The following NIPBL variants were observed in gnomAD, a reference collection of about 807,000 sequenced individuals.
NIPBL encodes NIPBL cohesin loading factor, also known as nipped-B-like protein.
NIPBL carries 19 observed loss-of-function variants against 321.8 expected under a neutral mutation model. That is an observed-to-expected ratio of 0.06 (90% CI 0.04 to 0.09). The LOEUF is 0.09. NIPBL is among the 10% of genes least tolerant of loss of function. The probability of loss-of-function intolerance (pLI) is 1.00; values close to 1 mark genes in which losing one functional copy is unlikely to be tolerated. For missense variants in NIPBL, 2,210 were observed against 3,327.0 expected (o/e 0.66, Z 8.26); for synonymous variants, 1,106 against 1,114.1 (o/e 0.99, Z 0.14).
At chr5:36,969,076 A>C (rs988618581) in intron 6 of NIPBL, among the ~76,000 whole-genome samples, 1 of 152,244 alleles carries the variant, frequency 6.6e-6, no homozygotes, top group African/African-American at 2.4e-5. Flanking sequence ...AAAGAGCACC[A>C]CAAGATACCT....
At chr5:37,033,867 C>T (rs988807139) in intron 32 of NIPBL, among the ~76,000 whole-genome samples, 2 of 150,110 alleles carry the variant, frequency 1.3e-5, no homozygotes, top group Non-Finnish European at 3.0e-5. Context: ...CATGCCCAGC[C>T]TGAATATATT....
intron 1 of NIPBL, among the ~76,000 whole-genome samples, chr5:36,900,163 G>A (rs1411024045): frequency 6.6e-6 from 1 of 151,986 alleles, no homozygotes; most frequent in African/African-American, 2.4e-5. Flanking sequence ...TCACACATTT[G>A]CAGATTCAGC....
chr5:36,934,580 G>T (rs1032540809), intron 1 of NIPBL, among the ~76,000 whole-genome samples: 2 of 152,082 alleles, frequency 1.3e-5, no homozygotes, highest in Admixed American at 1.3e-4. Context: ...ATGAATGGGA[G>T]CAATGGTAGA....
chr5:37,047,863 T>G (rs1018074352), intron 38 of NIPBL, among the ~76,000 whole-genome samples: 1 of 152,240 alleles, frequency 6.6e-6, no homozygotes, highest in African/African-American at 2.4e-5. Flanking sequence ...GATGATATAT[T>G]GCTACTTATT....
chr5:37,010,325 C>CT (rs992131171), intron 21 of NIPBL, 100 bp downstream of exon 21: 128 of 1,072,032 alleles, frequency 1.2e-4, no homozygotes, highest in South Asian at 3.3e-4. Context: ...TTTTTTCTTT[C>CT]TTTTTTTTGA....
At chr5:37,017,962 T>A (rs1441952206) in intron 24 of NIPBL, among the ~76,000 whole-genome samples, 4 of 152,132 alleles carry the variant, frequency 2.6e-5, no homozygotes, top group Non-Finnish European at 5.9e-5. Context: ...TAAATTTTGT[T>A]TCGAACCACT....
At position 36,984,775 on chromosome 5, in the gene NIPBL, G is replaced by T. The variant is rs138210440; in HGVS notation, c.1595G>T (p.Gly532Val). The T allele has an allele frequency of 3.3e-5, 53 of 1,613,712 alleles. No individual in the cohort carries two copies. In the African/African-American group the frequency reaches 7.1e-4, roughly 22 times the overall value. Residue 532 changes from glycine (G) to valine (V), a missense_variant, in exon 10 of 47, where the codon GGA becomes GTA. Physicochemically the swap from Gly to Val is moderately radical, Grantham distance 109 (BLOSUM62 -3). This residue lies in a region of NIPBL where 588 missense variants were observed against 564.1 expected (regional missense o/e 1.04). Coordinates refer to ENST00000282516, the MANE Select transcript of NIPBL (RefSeq NM_133433.4). ...GCTTCTCAGGAGACGGGTTCTACGG[G>T]AAATGGGTCAAGGCCAGCATTAATG... ...RPASQETGSTGNGSRPALMVS... is the reference protein window; with the variant it reads ...RPASQETGSTVNGSRPALMVS...
At chr5:36,976,525 T>C in intron 9 of NIPBL, 123 bp downstream of exon 9, 1 of 887,138 alleles carries the variant, frequency 1.1e-6, no homozygotes, top group South Asian at 1.6e-5. Context: ...CTCAAGTACA[T>C]ATTTTTATTA....
At chr5:36,894,942 T>A (rs942973303) in intron 1 of NIPBL, among the ~76,000 whole-genome samples, 2 of 152,222 alleles carry the variant, frequency 1.3e-5, no homozygotes, top group Non-Finnish European at 2.9e-5. Context: ...GTAGCAAGTG[T>A]TTGCTGATAA....
intron 1 of NIPBL, among the ~76,000 whole-genome samples, chr5:36,950,311 G>C (rs1740132488): frequency 6.6e-6 from 1 of 152,016 alleles, no homozygotes; most frequent in Non-Finnish European, 1.5e-5. Flanking sequence ...TCCCGAATCT[G>C]TTTAGTAATG....
At chr5:36,890,845 T>G (rs1746267743) in intron 1 of NIPBL, among the ~76,000 whole-genome samples, 1 of 152,206 alleles carries the variant, frequency 6.6e-6, no homozygotes, top group Non-Finnish European at 1.5e-5. Flanking sequence ...TCTTAATATT[T>G]GAAATGTGAA....
chr5:37,014,219 G>A (rs1021108103), intron 21 of NIPBL, among the ~76,000 whole-genome samples: 12 of 151,874 alleles, frequency 7.9e-5, no homozygotes, highest in African/African-American at 2.2e-4. Flanking sequence ...GAGGGAGACC[G>A]TGGAGAGGGA....
chr5:37,003,882 G>A (rs1580445690), intron 16 of NIPBL, among the ~76,000 whole-genome samples: 1 of 152,228 alleles, frequency 6.6e-6, no homozygotes, highest in East Asian at 1.9e-4. Flanking sequence ...AATTTAAGGG[G>A]CAGTTCTTTA....
intron 1 of NIPBL, among the ~76,000 whole-genome samples, chr5:36,881,823 T>A (rs1745527977): frequency 6.6e-6 from 1 of 152,016 alleles, no homozygotes; most frequent in South Asian, 2.1e-4. Flanking sequence ...CTTTACCATC[T>A]TGTGTTTAAA....
At chr5:37,039,165 G>C (rs1014193245) in intron 34 of NIPBL, among the ~76,000 whole-genome samples, 1 of 151,746 alleles carries the variant, frequency 6.6e-6, no homozygotes. Context: ...CATTAATAAG[G>C]AACAGTAGTC....
At chr5:36,952,743 C>T (rs760779725) in intron 1 of NIPBL, among the ~76,000 whole-genome samples, 2 of 152,090 alleles carry the variant, frequency 1.3e-5, no homozygotes, top group Non-Finnish European at 2.9e-5. Context: ...ACGTCTTTGT[C>T]CTTTATGTGG....
At chr5:36,966,736 T>G (rs1258421455) in intron 6 of NIPBL, among the ~76,000 whole-genome samples, 1 of 152,124 alleles carries the variant, frequency 6.6e-6, no homozygotes, top group Non-Finnish European at 1.5e-5. Context: ...AATCAGCATA[T>G]AAGAATGGAT....
chr5:36,912,135 A>T (rs887696867), intron 1 of NIPBL, among the ~76,000 whole-genome samples: 3 of 152,206 alleles, frequency 2.0e-5, no homozygotes, highest in African/African-American at 7.2e-5. Context: ...CTTAGAGCAG[A>T]GGCAGTATAG....
chr5:36,973,693 A>G (rs1743139382), intron 8 of NIPBL, among the ~76,000 whole-genome samples: 1 of 151,600 alleles, frequency 6.6e-6, no homozygotes, highest in African/African-American at 2.4e-5. Context: ...CTGGTCTCGA[A>G]CTCCTGACCT....
Sources: gnomAD v4.1 joint callset for allele counts (sites outside exome capture counted in the v4.1 genomes callset) on GRCh38, gnomAD v4.1.1 for gene constraint, gnomAD v4.1.1 regional missense constraint, MANE v1.5 for transcripts, NCBI Gene and HGNC (gene_info 2026-07-23, HGNC 2026-07-21) for gene names.